Variants in XPNPEP3 observed in about 807,000 individuals in gnomAD.
XPNPEP3 encodes the protein X-prolyl aminopeptidase 3.
A neutral mutation model predicts 60.0 loss-of-function variants in XPNPEP3; 41 were observed. That is an observed-to-expected ratio of 0.68 (90% CI 0.53 to 0.89). The LOEUF (loss-of-function observed/expected upper bound fraction) is 0.89. XPNPEP3 is among the 40% of genes least tolerant of loss of function. The pLI, the probability that XPNPEP3 is intolerant of heterozygous loss-of-function variation, is 0.00. For synonymous variants in XPNPEP3, 212 were observed against 223.2 expected (o/e 0.95, Z 0.45); for missense variants, 598 against 638.9 (o/e 0.94, Z 0.69).
intron 1 of XPNPEP3, among the ~76,000 whole-genome samples, chr22:40,864,879 C>T (rs2057970342): frequency 6.6e-6 from 1 of 152,144 alleles, no homozygotes; most frequent in Non-Finnish European, 1.5e-5. Flanking sequence ...TAGGTCTTAG[C>T]CTTATTTTAC....
At chr22:40,880,028 C>CAAAA (rs963115248) in intron 2 of XPNPEP3, among the ~76,000 whole-genome samples, 4 of 52,860 alleles carry the variant, frequency 7.6e-5, no homozygotes, top group African/African-American at 2.2e-4. Context: ...CTCTGTCTCC[C>CAAAA]AAAAAAAAAA....
chr22:40,884,038 A>C (rs1033020430), intron 3 of XPNPEP3, among the ~76,000 whole-genome samples: 1 of 152,330 alleles, frequency 6.6e-6, no homozygotes, highest in Non-Finnish European at 1.5e-5. Context: ...TTTCCTGTAA[A>C]GCCTCTTTTG....
intron 9 of XPNPEP3, among the ~76,000 whole-genome samples, chr22:40,924,711 C>T (rs1476155072): frequency 1.3e-5 from 2 of 151,980 alleles, no homozygotes; most frequent in South Asian, 2.1e-4. Flanking sequence ...TTAGTAGAGA[C>T]GGGGTTTCGC....
intron 7 of XPNPEP3, among the ~76,000 whole-genome samples, chr22:40,918,009 T>TA (rs34474574): frequency 0.036 from 4,494 of 124,642 alleles, 116 homozygotes; most frequent in Non-Finnish European, 0.052. Flanking sequence ...AGACTCTGTC[T>TA]AAAAAAAAAA....
At chr22:40,891,486 C>A (rs1450620895) in intron 4 of XPNPEP3, among the ~76,000 whole-genome samples, 2 of 149,852 alleles carry the variant, frequency 1.3e-5, no homozygotes, top group African/African-American at 4.9e-5. Flanking sequence ...AACCCCGTCT[C>A]TACTAAAAAT....
chr22:40,893,312 A>G (rs1321856503), intron 4 of XPNPEP3, among the ~76,000 whole-genome samples: 5 of 150,936 alleles, frequency 3.3e-5, no homozygotes, highest in Admixed American at 1.3e-4. Flanking sequence ...GTTTGAAACC[A>G]GCCTGACTAA....
rs1052552767 is a variant in XPNPEP3, at chr22:40,898,229, T to A, written c.793-9358T>A. ...TTATGTTTAGGTCTTTGACCCATTTTTTTTTTTTTTTTTTTTTTTTTTTTT... is the reference window on the plus strand; with the variant it reads ...TTATGTTTAGGTCTTTGACCCATTTATTTTTTTTTTTTTTTTTTTTTTTTT... On this transcript the variant is annotated intron_variant, in intron 4 of 9. Transcript: ENST00000357137. Among the ~76,000 whole-genome samples the A allele has an allele frequency of 1.3e-4, 4 of 31,590 alleles. No homozygotes were observed. In the South Asian group the frequency reaches 3.7e-3, roughly 29 times the overall value. 20.7% of individuals were successfully genotyped at this position (31,590 alleles called of 152,430 possible).
At chr22:40,899,629 G>A (rs1385707873) in intron 4 of XPNPEP3, among the ~76,000 whole-genome samples, 3 of 151,918 alleles carry the variant, frequency 2.0e-5, no homozygotes, top group African/African-American at 7.3e-5. Context: ...GACCATCCTG[G>A]CCAACATGGT....
Position 40,926,407 on chromosome 22 carries a change from T to G in XPNPEP3, c.1496T>G (p.Ile499Ser). Residue 499 changes from isoleucine to serine, a missense_variant, in exon 10 of 10, where the codon ATT becomes AGT. Coordinates refer to ENST00000357137, the MANE Select transcript of XPNPEP3 (RefSeq NM_022098.4). The stretch of plus-strand genomic sequence containing the variant: ...GACTGTCCCAAAGAGATGAATGACA[T>G]TGAACAGATATGCAGCCAGGCTTCT... ...SADCPKEMND[I>S]EQICSQAS is the part of the protein sequence containing the mutation. The G allele has an allele frequency of 6.2e-7, 1 of 1,614,106 alleles. No individual in the cohort carries two copies.
At position 40,905,841 on chromosome 22, in the gene XPNPEP3, G is replaced by A. The variant is rs1345707957; in HGVS notation, c.793-1746G>A. On this transcript the variant is annotated intron_variant, in intron 4 of 9. Coordinates refer to ENST00000357137, the MANE Select transcript of XPNPEP3 (RefSeq NM_022098.4). ...AGAGTCTCGCACTGTGGCCCAGGCT[G>A]TAGTGCAGTGGCACGATCTCGGCTC... 2.6e-5 allele frequency among the ~76,000 whole-genome samples: 4 copies of A among 151,996 alleles called. No individual in the cohort carries two copies. In the East Asian group the frequency reaches 5.8e-4, roughly 22 times the overall value.
At chr22:40,861,132 T>C (rs1028134723) in intron 1 of XPNPEP3, 3 of 1,613,866 alleles carry the variant, frequency 1.9e-6, no homozygotes, top group Non-Finnish European at 2.5e-6. Context: ...CTTACCACCC[T>C]CTTTGACTCC....
At chr22:40,911,437 T>G (rs917860395) in intron 6 of XPNPEP3, among the ~76,000 whole-genome samples, 2 of 152,142 alleles carry the variant, frequency 1.3e-5, no homozygotes, top group Admixed American at 6.6e-5. Flanking sequence ...TCTTGAAAAT[T>G]TGGTAAACAC....
At chr22:40,878,744 A>G (rs1280730894) in intron 2 of XPNPEP3, among the ~76,000 whole-genome samples, 2 of 151,996 alleles carry the variant, frequency 1.3e-5, no homozygotes, top group Non-Finnish European at 2.9e-5. Context: ...GCGCCACCAT[A>G]CCTGGCTAAT....
chr22:40,873,835 T>C (rs560685251), intron 2 of XPNPEP3, among the ~76,000 whole-genome samples: 1 of 152,086 alleles, frequency 6.6e-6, no homozygotes, highest in African/African-American at 2.4e-5. Context: ...TAAATAAATA[T>C]AATGGCAGAG....
chr22:40,871,237 C>T (rs1402687555), intron 2 of XPNPEP3, among the ~76,000 whole-genome samples: 1 of 152,016 alleles, frequency 6.6e-6, no homozygotes, highest in Non-Finnish European at 1.5e-5. Context: ...CCTATAGTCT[C>T]AGCTACTCGG....
intron 4 of XPNPEP3, among the ~76,000 whole-genome samples, chr22:40,896,378 A>G (rs2058108138): frequency 6.6e-6 from 1 of 151,994 alleles, no homozygotes; most frequent in South Asian, 2.1e-4. Context: ...AAATTTTATC[A>G]TTTTAGGCCT....
At chr22:40,907,025 C>T in intron 4 of XPNPEP3, 1 of 456,104 alleles carries the variant, frequency 2.2e-6, no homozygotes, top group Non-Finnish European at 4.4e-6. Context: ...AATCACTACC[C>T]AAAAGGCCTC....
At chr22:40,898,266 A>C (rs1326816326) in intron 4 of XPNPEP3, among the ~76,000 whole-genome samples, 1 of 16,892 alleles carries the variant, frequency 5.9e-5, no homozygotes, top group Non-Finnish European at 1.0e-4. Context: ...TTTTTTTTTG[A>C]GACGGAGTCT....
At position 40,867,060 on chromosome 22, in the gene XPNPEP3, C is replaced by T. The variant is rs145834598; in HGVS notation, c.65-1939C>T. Among the ~76,000 whole-genome samples the T allele has an allele frequency of 5.9e-3, 894 of 152,300 alleles. 3 individuals carry two copies. Among genetic ancestry groups the T allele is most frequent in the Admixed American group, 0.012 (181 of 15,284 alleles). On this transcript the variant is annotated intron_variant, in intron 1 of 9. Transcript: ENST00000357137. ...ATCACCAATGCAACAGCAGCCTACT[C>T]CACCAGTGGGTTAGTGCTGCTGGAG...
Sources: gnomAD v4.1 joint callset for allele counts (sites outside exome capture counted in the v4.1 genomes callset) on GRCh38, gnomAD v4.1.1 for gene constraint, MANE v1.5 for transcripts, NCBI Gene and HGNC (gene_info 2026-07-23, HGNC 2026-07-21) for gene names.